GRM3: variants seen among roughly 807,000 people sequenced by gnomAD.
GRM3 encodes the protein metabotropic glutamate receptor 3.
Under a neutral mutation model 70.5 loss-of-function variants are expected in GRM3, and 26 were observed. The ratio of observed to expected loss-of-function variants is 0.37; its 90% CI spans 0.27 to 0.51. The LOEUF (loss-of-function observed/expected upper bound fraction) is 0.51, where lower values mean the gene tolerates loss of function less well. Ranked by LOEUF, GRM3 falls within the 20% of genes least tolerant of loss-of-function variation. The pLI is 0.93. For synonymous variants in GRM3, 443 were observed against 434.9 expected (o/e 1.02, Z -0.23); for missense variants, 859 against 1,123.8 (o/e 0.76, Z 3.37).
intron 4 of GRM3, among the ~76,000 whole-genome samples, chr7:86,840,830 G>T (rs1265992743): frequency 6.6e-6 from 1 of 152,086 alleles, no homozygotes. Context: ...GCCTCCATCA[G>T]TTGTAAAAAT....
chr7:86,832,067 A>G (rs1798363517), intron 3 of GRM3, among the ~76,000 whole-genome samples: 1 of 152,130 alleles, frequency 6.6e-6, no homozygotes, highest in East Asian at 1.9e-4. Context: ...TTCGTAAAAT[A>G]TTTTGTTTGC....
intron 3 of GRM3, among the ~76,000 whole-genome samples, chr7:86,792,514 A>T (rs1797444198): frequency 1.3e-5 from 2 of 152,302 alleles, no homozygotes; most frequent in Admixed American, 1.3e-4. Flanking sequence ...AAACTGTTTG[A>T]GAATGGAGAA....
In GRM3 at chr7:86,652,782, A is replaced by G. The variant is rs1449638742; in HGVS notation, c.-141+7910A>G. On this transcript the variant is annotated intron_variant, in intron 1 of 5. Transcript: ENST00000361669. ...TGAACAACAACAACAAAAATCATCT[A>G]TTTACCTCTGCTGTAAATAGTCTGT... Among the ~76,000 whole-genome samples the G allele has an allele frequency of 1.3e-5, 2 of 152,238 alleles. 1 individual carries two copies.
chr7:86,751,805 G>A (rs1216223356), intron 1 of GRM3, among the ~76,000 whole-genome samples: 1 of 152,110 alleles, frequency 6.6e-6, no homozygotes, highest in African/African-American at 2.4e-5. Context: ...CACTTGCAGT[G>A]AGGTATGGCA....
chr7:86,719,375 T>G (rs567464614), intron 1 of GRM3, among the ~76,000 whole-genome samples: 3 of 152,118 alleles, frequency 2.0e-5, no homozygotes, highest in African/African-American at 7.2e-5. Context: ...TCATCTCTAA[T>G]ATTTCTGACA....
intron 3 of GRM3, among the ~76,000 whole-genome samples, chr7:86,796,755 C>A (rs1797559631): frequency 6.6e-6 from 1 of 152,036 alleles, no homozygotes; most frequent in South Asian, 2.1e-4. Flanking sequence ...GTTTGTAGTT[C>A]TCTGATACGG....
intron 1 of GRM3, among the ~76,000 whole-genome samples, chr7:86,725,085 G>A (rs1458060828): frequency 6.6e-6 from 1 of 152,086 alleles, no homozygotes; most frequent in African/African-American, 2.4e-5. Context: ...CATTGGAGTT[G>A]CCAAGACCTT....
At chr7:86,761,515 T>C (rs1796480272) in intron 1 of GRM3, among the ~76,000 whole-genome samples, 1 of 152,110 alleles carries the variant, frequency 6.6e-6, no homozygotes, top group Non-Finnish European at 1.5e-5. Context: ...GCAAAAATAA[T>C]GTATTTCTCT....
intron 1 of GRM3, among the ~76,000 whole-genome samples, chr7:86,682,717 T>G (rs974090490): frequency 6.6e-6 from 1 of 152,202 alleles, no homozygotes; most frequent in East Asian, 1.9e-4. Context: ...CAAGCATTTT[T>G]TTAATCCAAT....
At chr7:86,800,273 A>C (rs1252693287) in intron 3 of GRM3, among the ~76,000 whole-genome samples, 3 of 152,236 alleles carry the variant, frequency 2.0e-5, no homozygotes, top group Non-Finnish European at 4.4e-5. Flanking sequence ...ATCAGAAGAC[A>C]AGAAATAACC....
At chr7:86,662,032 A>T (rs1313049347) in intron 1 of GRM3, among the ~76,000 whole-genome samples, 2 of 151,962 alleles carry the variant, frequency 1.3e-5, no homozygotes, top group African/African-American at 2.4e-5. Context: ...GGGTTAAAAA[A>T]ATATTAGTTG....
chr7:86,683,886 A>T (rs1794500050), intron 1 of GRM3, among the ~76,000 whole-genome samples: 1 of 152,170 alleles, frequency 6.6e-6, no homozygotes, highest in African/African-American at 2.4e-5. Context: ...ATCATGGTGT[A>T]CAGTTTATAT....
chr7:86,675,480 G>A (rs1485695576), intron 1 of GRM3, among the ~76,000 whole-genome samples: 1 of 152,040 alleles, frequency 6.6e-6, no homozygotes, highest in Non-Finnish European at 1.5e-5. Flanking sequence ...TACAGTGAGA[G>A]CCAAGAACCT....
At chr7:86,785,352 A>G (rs986577536) in intron 2 of GRM3, among the ~76,000 whole-genome samples, 1 of 152,220 alleles carries the variant, frequency 6.6e-6, no homozygotes, top group Non-Finnish European at 1.5e-5. Flanking sequence ...ATGCTCCTCA[A>G]TAAACAAGTG....
At chr7:86,679,874 C>T (rs1446927557) in intron 1 of GRM3, among the ~76,000 whole-genome samples, 1 of 152,078 alleles carries the variant, frequency 6.6e-6, no homozygotes, top group South Asian at 2.1e-4. Flanking sequence ...AATTTGTTCA[C>T]TCAGAGCCAT....
intron 2 of GRM3, among the ~76,000 whole-genome samples, chr7:86,768,389 C>T (rs1057167460): frequency 6.6e-6 from 1 of 152,190 alleles, no homozygotes; most frequent in Non-Finnish European, 1.5e-5. Flanking sequence ...CTGTATTAAG[C>T]TCCTACTGTG....
At chr7:86,799,566 G>A (rs112887084) in intron 3 of GRM3, among the ~76,000 whole-genome samples, 8,123 of 151,744 alleles carry the variant, frequency 0.054, 693 homozygotes, top group African/African-American at 0.18. Flanking sequence ...TCACTCTGTC[G>A]CCCAGGCTGG....
chr7:86,711,191 T>C (rs1354994989), intron 1 of GRM3, among the ~76,000 whole-genome samples: 1 of 151,712 alleles, frequency 6.6e-6, no homozygotes, highest in Non-Finnish European at 1.5e-5. Flanking sequence ...AATTTTATTT[T>C]ATTATTATTA....
intron 3 of GRM3, among the ~76,000 whole-genome samples, chr7:86,791,744 G>A (rs1377001140): frequency 6.6e-6 from 1 of 152,122 alleles, no homozygotes; most frequent in Non-Finnish European, 1.5e-5. Context: ...TTTATAGTAT[G>A]TTTCCTTTTT....
Sources: gnomAD v4.1 joint callset for allele counts (sites outside exome capture counted in the v4.1 genomes callset) on GRCh38, gnomAD v4.1.1 for gene constraint, MANE v1.5 for transcripts, NCBI Gene and HGNC (gene_info 2026-07-23, HGNC 2026-07-21) for gene names.